RP1: variants seen among roughly 807,000 people sequenced by gnomAD.
RP1 encodes the protein oxygen-regulated protein 1.
In RP1, 16 loss-of-function variants were observed where a neutral mutation model predicts 14.8. The ratio of observed to expected loss-of-function variants is 1.08; its 90% CI spans 0.73 to 1.65. The LOEUF (loss-of-function observed/expected upper bound fraction) is 1.65. RP1 is among the 40% of genes most tolerant of loss of function. The pLI, the probability that RP1 is intolerant of heterozygous loss-of-function variation, is 0.00. For synonymous variants in RP1, 876 were observed against 883.6 expected, an observed-to-expected ratio of 0.99 and a Z score of 0.15; for missense variants, 2,631 against 2,535.0, an observed-to-expected ratio of 1.04 and a Z score of -0.81.
At chr8:54,665,163 T>A (rs537409669) in intron 7 of RP1, among the ~76,000 whole-genome samples, 1 of 152,314 alleles carries the variant, frequency 6.6e-6, no homozygotes, top group Non-Finnish European at 1.5e-5. Context: ...TTTTGAATTC[T>A]CTGTTGAGTA....
chr8:54,679,988 G>C (rs1807389899), intron 12 of RP1: 16 of 1,498,256 alleles, frequency 1.1e-5, no homozygotes, highest in Non-Finnish European at 1.3e-5. Context: ...GTTAAAGGAA[G>C]GTAGATTTCT....
intron 24 of RP1, among the ~76,000 whole-genome samples, chr8:54,792,335 G>A (rs945478514): frequency 6.6e-6 from 1 of 151,754 alleles, no homozygotes; most frequent in African/African-American, 2.4e-5. Flanking sequence ...GGAAACCATG[G>A]GTTTGAACAA....
intron 24 of RP1, among the ~76,000 whole-genome samples, chr8:54,801,809 G>A (rs1222736466): frequency 6.6e-6 from 1 of 152,126 alleles, no homozygotes; most frequent in East Asian, 1.9e-4. Context: ...CACATGCTTA[G>A]GTCCTGTTTC....
intron 12 of RP1, chr8:54,697,209 GA>G: frequency 1.5e-6 from 1 of 684,198 alleles, no homozygotes; most frequent in Non-Finnish European, 2.6e-6. Flanking sequence ...TTTATCCAGA[GA>G]AGATTATTTC....
At chr8:54,738,522 T>C (rs1808992933) in intron 18 of RP1, among the ~76,000 whole-genome samples, 1 of 152,214 alleles carries the variant, frequency 6.6e-6, no homozygotes, top group African/African-American at 2.4e-5. Context: ...ACTCACACTT[T>C]TCTTAAGCTT....
intron 1 of RP1, among the ~76,000 whole-genome samples, chr8:54,606,645 C>G (rs1038145802): frequency 2.6e-5 from 4 of 152,216 alleles, no homozygotes; most frequent in African/African-American, 9.7e-5. Context: ...TGTTTTCCAA[C>G]TTGGTTGCAC....
chr8:54,769,801 T>C, exon 23 of RP1: 11 of 1,530,418 alleles, frequency 7.2e-6, no homozygotes, highest in South Asian at 2.4e-5. Flanking sequence ...ATCTTCAAGG[T>C]GAGGATTACT....
chr8:54,699,149 G>T (rs1204267208), intron 12 of RP1, among the ~76,000 whole-genome samples: 2 of 150,802 alleles, frequency 1.3e-5, no homozygotes, highest in Non-Finnish European at 3.0e-5. Flanking sequence ...TATTGTATAT[G>T]TATATAGATA....
chr8:54,755,886 T>G, intron 21 of RP1: 1 of 1,026,562 alleles, frequency 9.7e-7, no homozygotes, highest in Non-Finnish European at 1.3e-6. Flanking sequence ...TAAGACATCT[T>G]TAACACATTT....
At chr8:54,734,657 T>C (rs1369536361) in exon 18 of RP1, 8 of 1,535,302 alleles carry the variant, frequency 5.2e-6, no homozygotes, top group South Asian at 1.2e-5. Flanking sequence ...TCTGGGTGTA[T>C]GGAGATAAAG....
chr8:54,630,071 A>G lies in RP1; in HGVS notation c.6189A>G (p.Lys2063=), dbSNP rs1021026479. The change falls in exon 4 of 4, where the codon AAA becomes AAG. Residue 2063 remains lysine (K), a synonymous_variant. Coordinates refer to ENST00000220676, the MANE Select transcript of RP1 (RefSeq NM_006269.2). ...GCGGTCAGACAAATGAAATCTTTAAAGCAGTCGATGAGAATAACAACTTAT... is the reference window on the plus strand; with the variant it reads ...GCGGTCAGACAAATGAAATCTTTAAGGCAGTCGATGAGAATAACAACTTAT... ...DLSGQTNEIF[K]AVDENNNLLN... is the part of the protein sequence containing the mutation. 5.0e-6 allele frequency: 8 copies of G among 1,613,908 alleles called. No homozygotes were observed. Among genetic ancestry groups the G allele is most frequent in the Non-Finnish European group, 4.2e-6 (5 of 1,179,970 alleles).
intron 3 of RP1, among the ~76,000 whole-genome samples, chr8:54,642,362 A>G (rs886849750): frequency 1.3e-5 from 2 of 152,186 alleles, no homozygotes; most frequent in Non-Finnish European, 2.9e-5. Context: ...TAAAAAAATT[A>G]GATAGTGTAG....
chr8:54,661,026 A>G lies in RP1; in HGVS notation c.1172-2673A>G, dbSNP rs80102132. Among the ~76,000 whole-genome samples the G allele has an allele frequency of 0.016, 2,491 of 151,696 alleles. 142 individuals are homozygous for G. In the East Asian group the frequency reaches 0.18, roughly 11 times the overall value. ...ATGAAATTTTGGTTAGAAAAATAAT[A>G]AGGAAGCCTGAGTGTGGTGGTTTAC... On this transcript the variant is annotated intron_variant, in intron 6 of 22. Transcript: ENST00000636932.
intron 25 of RP1, among the ~76,000 whole-genome samples, chr8:54,847,154 G>C (rs916212135): frequency 6.6e-6 from 1 of 152,120 alleles, no homozygotes; most frequent in Admixed American, 6.5e-5. Context: ...ACAGAGGGGA[G>C]GGAGGGAGAT....
chr8:54,838,932 G>A (rs1811730162), intron 25 of RP1, among the ~76,000 whole-genome samples: 1 of 152,156 alleles, frequency 6.6e-6, no homozygotes, highest in African/African-American at 2.4e-5. Context: ...TCACAGGATT[G>A]TTTTCAGTAC....
At chr8:54,849,257 T>C (rs1345120397) in intron 25 of RP1, among the ~76,000 whole-genome samples, 1 of 151,992 alleles carries the variant, frequency 6.6e-6, no homozygotes, top group African/African-American at 2.4e-5. Context: ...GTACATTGTA[T>C]TTTCTGTTTT....
chr8:54,592,957 G>A (rs891885393), intron 1 of RP1, among the ~76,000 whole-genome samples: 3 of 152,122 alleles, frequency 2.0e-5, no homozygotes, highest in Non-Finnish European at 2.9e-5. Flanking sequence ...GGTCTAAACC[G>A]ATCAGCTGGC....
chr8:54,566,514 C>T (rs144605111), intron 1 of RP1, among the ~76,000 whole-genome samples: 1 of 152,274 alleles, frequency 6.6e-6, no homozygotes, highest in African/African-American at 2.4e-5. Flanking sequence ...CTCCCATTTC[C>T]TTCTCCCCCA....
chr8:54,605,311 A>C (rs1434083039), intron 1 of RP1, among the ~76,000 whole-genome samples: 4 of 152,226 alleles, frequency 2.6e-5, no homozygotes, highest in Non-Finnish European at 4.4e-5. Flanking sequence ...GTAGTCATTC[A>C]GGAGCAGGTT....
Sources: allele counts gnomAD v4.1 joint callset (sites outside exome capture counted in the v4.1 genomes callset), GRCh38; gene constraint gnomAD v4.1.1; transcripts MANE v1.5; gene names NCBI Gene and HGNC (gene_info 2026-07-23, HGNC 2026-07-21).